KAT6B: variants seen among roughly 807,000 people sequenced by gnomAD.
The protein encoded by KAT6B is histone acetyltransferase KAT6B.
A neutral mutation model predicts 187.5 loss-of-function variants in KAT6B; 10 were observed. The ratio of observed to expected loss-of-function variants is 0.05; its 90% CI spans 0.03 to 0.09. The LOEUF is 0.09. Ranked by LOEUF, KAT6B falls within the 10% of genes least tolerant of loss-of-function variation. The pLI is 1.00. For synonymous variants in KAT6B, 861 were observed against 926.8 expected (o/e 0.93, Z 1.29); for missense variants, 1,952 against 2,558.9 (o/e 0.76, Z 5.12).
intron 3 of KAT6B, among the ~76,000 whole-genome samples, chr10:74,907,982 A>G (rs937160265): frequency 6.6e-6 from 1 of 152,220 alleles, no homozygotes; most frequent in Admixed American, 6.5e-5. Context: ...AGTCTTTAAG[A>G]GGTGATTGGA....
intron 1 of KAT6B, among the ~76,000 whole-genome samples, chr10:74,829,008 T>TA (rs796790976): frequency 0.027 from 3,738 of 136,320 alleles, 152 homozygotes; most frequent in African/African-American, 0.09. Flanking sequence ...AGTGATGGTT[T>TA]AAAAAAAAAA....
At chr10:74,907,509 C>T (rs1015392265) in intron 3 of KAT6B, among the ~76,000 whole-genome samples, 1 of 151,990 alleles carries the variant, frequency 6.6e-6, no homozygotes, top group African/African-American at 2.4e-5. Flanking sequence ...TGTGACTTTT[C>T]TTTTTTCTTT....
In KAT6B at chr10:75,029,480, C is replaced by G. The variant is rs768290031; in HGVS notation, c.4656C>G (p.Ser1552Arg). The change falls in exon 18 of 18, where the codon AGC (serine) becomes AGG (arginine). Residue 1552 changes from serine (S) to arginine (R), a missense_variant. Ser to Arg is a moderately radical substitution (Grantham distance 110, BLOSUM62 -1). This residue lies in a region of KAT6B where 758 missense variants were observed against 891.4 expected (regional missense o/e 0.85). Transcript: ENST00000287239. The surrounding 1 kb of genome is among the most constrained non-coding windows in gnomAD (Gnocchi z 6.2). ...CCGTTCAGTCTTTGACCCAGGAGAG[C>G]AGCGAACAGGACGACACCTTTCAGG... is the stretch of plus-strand genomic sequence containing the variant. ...VQAVQSLTQESSEQDDTFQDC... is the reference protein window; with the variant it reads ...VQAVQSLTQERSEQDDTFQDC... 6.8e-6 allele frequency: 11 copies of G among 1,614,032 alleles called. No homozygotes were observed. The highest frequency in any genetic ancestry group is 1.6e-4 in the Middle Eastern group (1 of 6,084).
At chr10:74,982,226 C>G in intron 11 of KAT6B, 1 of 353,146 alleles carries the variant, frequency 2.8e-6, no homozygotes, top group East Asian at 6.9e-5. Context: ...TTTGTAAATT[C>G]TACTTTCTTT....
intron 3 of KAT6B, among the ~76,000 whole-genome samples, chr10:74,959,652 T>G (rs1255210851): frequency 1.3e-5 from 2 of 152,056 alleles, no homozygotes; most frequent in African/African-American, 2.4e-5. Flanking sequence ...TAGCCAGGCA[T>G]AGTGGCGCGC....
chr10:74,917,641 A>C (rs11001199), intron 3 of KAT6B, among the ~76,000 whole-genome samples: 4,910 of 152,352 alleles, frequency 0.032, 202 homozygotes, highest in East Asian at 0.17. Context: ...AAAACAATGT[A>C]GTGCCTTTAA....
At chr10:74,950,569 T>C (rs1840248998) in intron 3 of KAT6B, among the ~76,000 whole-genome samples, 1 of 152,216 alleles carries the variant, frequency 6.6e-6, no homozygotes, top group African/African-American at 2.4e-5. Context: ...ATGATCTCTA[T>C]CCTAATTAGG....
At chr10:74,990,782 A>G (rs1490802115) in intron 13 of KAT6B, among the ~76,000 whole-genome samples, 1 of 152,208 alleles carries the variant, frequency 6.6e-6, no homozygotes, top group Non-Finnish European at 1.5e-5. Flanking sequence ...TCTGGTATGC[A>G]TAGCAGCCAT....
chr10:74,985,119 T>C lies in KAT6B; in HGVS notation c.2413T>C (p.Cys805Arg). The change falls in exon 12 of 18, where the codon TGC (cysteine) becomes CGC (arginine). Residue 805 changes from cysteine (C) to arginine (R), a missense_variant. Coordinates refer to ENST00000287239, the MANE Select transcript of KAT6B (RefSeq NM_012330.4). ...NMSKIYCQNL[C>R]LLAKLFLDHK... Reference sequence around the variant, plus strand: ...GAGCAAAATTTATTGCCAAAACCTTTGCTTGTTAGCCAAGCTCTTCCTGGA... The same window carrying C: ...GAGCAAAATTTATTGCCAAAACCTTCGCTTGTTAGCCAAGCTCTTCCTGGA... The C allele has an allele frequency of 1.2e-6, 2 of 1,614,188 alleles. No homozygotes were observed. The highest frequency in any genetic ancestry group is 1.7e-6 in the Non-Finnish European group (2 of 1,180,010).
At chr10:74,828,166 T>TCCTATGCC (rs1840415843) in intron 1 of KAT6B, among the ~76,000 whole-genome samples, 2 of 152,268 alleles carry the variant, frequency 1.3e-5, no homozygotes, top group East Asian at 3.9e-4. Context: ...ACAAATGGTG[T>TCCTATGCC]CCTATGCCCC....
At chr10:74,991,405 G>A (rs188037963) in intron 13 of KAT6B, among the ~76,000 whole-genome samples, 9 of 152,300 alleles carry the variant, frequency 5.9e-5, no homozygotes, top group Admixed American at 2.0e-4. Flanking sequence ...AGCATGATCT[G>A]GCACTAAGGC....
chr10:74,942,765 CAAAAAAAAAA>C (rs56276008), intron 3 of KAT6B, among the ~76,000 whole-genome samples: 3 of 9,364 alleles, frequency 3.2e-4, no homozygotes, highest in South Asian at 6.2e-3. Context: ...AACTCCATCG[CAAAAAAAAAA>C]AAAAAAAAAA....
At chr10:74,977,168 C>A in intron 8 of KAT6B, 148 bp from the exon 9 acceptor site, 1 of 679,822 alleles carries the variant, frequency 1.5e-6, no homozygotes, top group Non-Finnish European at 2.5e-6. Flanking sequence ...GATCTATGAG[C>A]AGTGCTTAGA....
At chr10:74,859,629 C>T (rs1843040785) in intron 3 of KAT6B, among the ~76,000 whole-genome samples, 1 of 152,168 alleles carries the variant, frequency 6.6e-6, no homozygotes, top group African/African-American at 2.4e-5. Flanking sequence ...TTTGGAAATT[C>T]TGACTAATCC....
chr10:74,982,215 CT>C, intron 11 of KAT6B: 1 of 372,638 alleles, frequency 2.7e-6, no homozygotes, highest in South Asian at 2.5e-5. Context: ...CTCCTCAGCT[CT>C]TTGTAAATTC....
intron 13 of KAT6B, among the ~76,000 whole-genome samples, chr10:75,015,662 G>A (rs1299947647): frequency 6.6e-6 from 1 of 152,212 alleles, no homozygotes; most frequent in East Asian, 1.9e-4. Context: ...CTGGCCTCGT[G>A]TCTGTTCCCA....
intron 4 of KAT6B, among the ~76,000 whole-genome samples, chr10:74,966,886 C>T (rs1421017774): frequency 4.5e-4 from 69 of 152,032 alleles, no homozygotes; most frequent in Non-Finnish European, 4.7e-4. Flanking sequence ...AACAATTAGC[C>T]GGGCTTGGTG....
At chr10:74,830,761 TATATATA>T (rs1373803030) in intron 1 of KAT6B, among the ~76,000 whole-genome samples, 6 of 31,894 alleles carry the variant, frequency 1.9e-4, no homozygotes, top group South Asian at 1.3e-3. Context: ...TATATATATA[TATATATA>T]TTTTTTTTTT....
At chr10:74,987,907 T>C (rs1842915910) in intron 12 of KAT6B, among the ~76,000 whole-genome samples, 1 of 152,242 alleles carries the variant, frequency 6.6e-6, no homozygotes, top group Non-Finnish European at 1.5e-5. Flanking sequence ...TTGCCATTGA[T>C]GTGCACATCC....
Sources: gnomAD v4.1 joint callset for allele counts (sites outside exome capture counted in the v4.1 genomes callset) on GRCh38, gnomAD v4.1.1 for gene constraint, gnomAD v4.1.1 regional missense constraint, Gnocchi (gnomAD v3.1) non-coding constraint, MANE v1.5 for transcripts, NCBI Gene and HGNC (gene_info 2026-07-23, HGNC 2026-07-21) for gene names.